The following TPRG1 variants were observed in gnomAD, a reference collection of about 807,000 sequenced individuals.
TPRG1 encodes the protein tumor protein p63-regulated gene 1 protein.
A neutral mutation model predicts 29.3 loss-of-function variants in TPRG1; 29 were observed. That is an observed-to-expected ratio of 0.99 (90% CI 0.74 to 1.35). The LOEUF (loss-of-function observed/expected upper bound fraction) is 1.35. Ranked by LOEUF, TPRG1 falls within the 40% of genes most tolerant of loss-of-function variation. The probability of loss-of-function intolerance (pLI) is 0.00; values close to 1 mark genes in which losing one functional copy is unlikely to be tolerated. For synonymous variants in TPRG1, 130 were observed against 116.8 expected (o/e 1.11, Z -0.73); for missense variants, 327 against 335.0 (o/e 0.98, Z 0.19).
chr3:189,024,193 G>T (rs932371277), intron 4 of TPRG1, among the ~76,000 whole-genome samples: 1 of 152,238 alleles, frequency 6.6e-6, no homozygotes, highest in African/African-American at 2.4e-5. Context: ...AACATGGGGA[G>T]AGATGGCTGG....
At chr3:189,033,865 C>A in intron 4 of TPRG1, among the ~76,000 whole-genome samples, 1 of 152,164 alleles carries the variant, frequency 6.6e-6, no homozygotes, top group East Asian at 1.9e-4. Flanking sequence ...CGTGAGCCAC[C>A]GTGCCCAGCC....
rs1051403218 is a variant in TPRG1, at chr3:189,019,456, T to C, written c.-659-4294T>C. Among the ~76,000 whole-genome samples the C allele has an allele frequency of 7.9e-5, 12 of 152,348 alleles. No individual in the cohort carries two copies. In the East Asian group the frequency reaches 1.3e-3, roughly 17 times the overall value. On this transcript the variant is annotated intron_variant, in intron 3 of 10. Coordinates refer to the TPRG1 transcript ENST00000433971. ...TTTAGCATGAAGAGTTGTTGAATTT[T>C]GTCAAAGGCCTTTTCTGCATCTATT...
intron 2 of TPRG1, among the ~76,000 whole-genome samples, chr3:189,214,477 G>A (rs1475972178): frequency 6.6e-6 from 1 of 151,948 alleles, no homozygotes; most frequent in Non-Finnish European, 1.5e-5. Context: ...CCCCTCCAGA[G>A]TCATCTATTC....
Position 189,207,574 on chromosome 3 carries a change from C to A in TPRG1, c.190C>A (p.Arg64=), listed in dbSNP as rs762260049. 2 of 1,612,006 alleles carry A rather than the reference C, an allele frequency of 1.2e-6. No individual in the cohort carries two copies. The highest frequency in any genetic ancestry group is 1.7e-6 in the Non-Finnish European group (2 of 1,178,036). The stretch of plus-strand genomic sequence containing the variant: ...TCCTTATCATCAGCCTTATATCTCA[C>A]GGAAGTACTTTGCTACACGGGTAAA... ...PNPYHQPYIS[R]KYFATRPGAI... The change falls in exon 2 of 6, where the codon CGG becomes AGG. Residue 64 remains arginine, a synonymous_variant. Transcript: ENST00000345063.
At chr3:189,194,522 G>A (rs147877101) in intron 1 of TPRG1, among the ~76,000 whole-genome samples, 18 of 152,282 alleles carry the variant, frequency 1.2e-4, no homozygotes, top group African/African-American at 4.3e-4. Flanking sequence ...TGCCCACAGA[G>A]CCTGGATCTG....
chr3:189,262,051 T>G (rs1426092428), intron 4 of TPRG1, among the ~76,000 whole-genome samples: 1 of 151,944 alleles, frequency 6.6e-6, no homozygotes, highest in Non-Finnish European at 1.5e-5. Context: ...AAGATAAGAA[T>G]GGTGACAATA....
At chr3:189,269,556 G>A (rs910996374) in intron 4 of TPRG1, among the ~76,000 whole-genome samples, 2 of 152,136 alleles carry the variant, frequency 1.3e-5, no homozygotes, top group Non-Finnish European at 2.9e-5. Context: ...GGAATGGCAT[G>A]TGTGCTGGGG....
chr3:189,044,502 C>T (rs1714834764), intron 4 of TPRG1, among the ~76,000 whole-genome samples: 1 of 151,064 alleles, frequency 6.6e-6, no homozygotes, highest in African/African-American at 2.4e-5. Flanking sequence ...TTGCAGTGAG[C>T]TGAGATCACG....
At chr3:189,077,737 A>C (rs1717277387) in intron 4 of TPRG1, among the ~76,000 whole-genome samples, 1 of 152,184 alleles carries the variant, frequency 6.6e-6, no homozygotes. Flanking sequence ...CCTTTTAGGC[A>C]CTCAGTATAG....
chr3:189,315,881 G>C (rs1219777037), intron 5 of TPRG1, among the ~76,000 whole-genome samples: 5 of 152,178 alleles, frequency 3.3e-5, no homozygotes, highest in Admixed American at 2.0e-4. Flanking sequence ...AAAGTACTAA[G>C]ATTGTAAATA....
At chr3:189,107,136 A>G (rs532282903) in intron 1 of TPRG1, among the ~76,000 whole-genome samples, 174 of 152,176 alleles carry the variant, frequency 1.1e-3, no homozygotes, top group African/African-American at 4.1e-3. Flanking sequence ...AGCTGAAGGT[A>G]CAGATATTTC....
chr3:189,163,311 C>A (rs374696554), intron 5 of TPRG1, among the ~76,000 whole-genome samples: 10 of 151,976 alleles, frequency 6.6e-5, no homozygotes, highest in African/African-American at 2.4e-4. Context: ...GGGGTTCTTA[C>A]TTTTTTCTCT....
intron 4 of TPRG1, among the ~76,000 whole-genome samples, chr3:189,305,085 G>T (rs889803428): frequency 2.0e-5 from 3 of 152,168 alleles, no homozygotes; most frequent in Non-Finnish European, 4.4e-5. Flanking sequence ...AATGAAAGCT[G>T]CCATCTTTCC....
intron 3 of TPRG1, among the ~76,000 whole-genome samples, chr3:189,138,810 G>T (rs928050352): frequency 6.6e-5 from 10 of 152,302 alleles, no homozygotes; most frequent in African/African-American, 2.4e-4. Flanking sequence ...AGGGCTTTAT[G>T]CATATAAGAT....
chr3:189,269,507 G>A (rs1355943199), intron 4 of TPRG1, among the ~76,000 whole-genome samples: 6 of 152,108 alleles, frequency 3.9e-5, no homozygotes, highest in African/African-American at 1.4e-4. Flanking sequence ...ATTGAGTCCC[G>A]GAGCTGTGCA....
chr3:189,079,351 C>T (rs1275809728), intron 4 of TPRG1, among the ~76,000 whole-genome samples: 3 of 152,132 alleles, frequency 2.0e-5, no homozygotes, highest in Non-Finnish European at 4.4e-5. Context: ...AATATCCAAA[C>T]TATGTCACAT....
rs780442896 is a variant in TPRG1 at position 189,215,298 on chromosome 3, G to A, written c.217G>A (p.Ala73Thr). 6.2e-7 allele frequency: 1 copy of A among 1,611,898 alleles called. No individual in the cohort carries two copies. Among genetic ancestry groups the A allele is most frequent in the Non-Finnish European group, 8.5e-7 (1 of 1,179,094 alleles). ...SRKYFATRPG[A>T]IETAMEDLKG... is the part of the protein sequence containing the mutation. ...TTTTCTCCTTTCCACACAGCCGGGG[G>A]CCATTGAGACTGCCATGGAAGACTT... The change falls in exon 3 of 6, where the codon GCC becomes ACC. Residue 73 changes from alanine (A) to threonine (T), a missense_variant. Physicochemically the swap from Ala to Thr is moderately conservative, Grantham distance 58 (BLOSUM62 0). Coordinates refer to ENST00000345063, the MANE Select transcript of TPRG1 (RefSeq NM_198485.4).
At chr3:189,174,626 G>T (rs991911882) in intron 1 of TPRG1, among the ~76,000 whole-genome samples, 11 of 152,176 alleles carry the variant, frequency 7.2e-5, no homozygotes, top group African/African-American at 2.4e-4. Context: ...TTAATTATTT[G>T]TTCCTAACCT....
chr3:189,054,220 C>T (rs1715511444), intron 4 of TPRG1, among the ~76,000 whole-genome samples: 1 of 151,954 alleles, frequency 6.6e-6, no homozygotes, highest in Admixed American at 6.5e-5. Flanking sequence ...AGGAGAGAGT[C>T]CTAAGGAGAC....
Sources: gnomAD v4.1 joint callset for allele counts (sites outside exome capture counted in the v4.1 genomes callset) on GRCh38, gnomAD v4.1.1 for gene constraint, MANE v1.5 for transcripts, NCBI Gene and HGNC (gene_info 2026-07-23, HGNC 2026-07-21) for gene names.